Variants in SLC2A3 observed in about 807,000 individuals in gnomAD.
SLC2A3 encodes solute carrier family 2, facilitated glucose transporter member 3.
In SLC2A3, 21 loss-of-function variants were observed where a neutral mutation model predicts 46.4. The observed-to-expected ratio is 0.45, with a 90% confidence interval of 0.32 to 0.65. The LOEUF (loss-of-function observed/expected upper bound fraction) is 0.65, where lower values mean the gene tolerates loss of function less well. SLC2A3 is among the 30% of genes least tolerant of loss of function. The pLI is 0.04. For synonymous variants in SLC2A3, 213 were observed against 239.4 expected, an observed-to-expected ratio of 0.89 and a Z score of 1.02; for missense variants, 499 against 623.3, an observed-to-expected ratio of 0.80 and a Z score of 2.12.
intron 6 of SLC2A3, 197 bp downstream of exon 6, chr12:7,929,485 GAC>G (rs779483003): frequency 1.1e-5 from 7 of 651,656 alleles, no homozygotes; most frequent in Non-Finnish European, 1.7e-5. Context: ...AAATTTCAGA[GAC>G]ACAGTCTCAC....
rs1476536468 is a variant in SLC2A3, at chr12:7,933,913, G to A, written c.16-11C>T. The stretch of plus-strand genomic sequence containing the variant: ...CAGAGCTGGGGTGACCTGGAGGGAG[G>A]GAAGACAGAGGAGAGAATAGTCCTT... On this transcript the variant is annotated splice_polypyrimidine_tract_variant and intron_variant, in intron 1 of 9. Coordinates refer to ENST00000075120, the MANE Select transcript of SLC2A3 (RefSeq NM_006931.3). The A allele has an allele frequency of 1.9e-6, 3 of 1,610,240 alleles. No individual in the cohort carries two copies. The highest frequency in any genetic ancestry group is 1.7e-5 in the Admixed American group (1 of 59,906).
rs1329307974 is a variant in SLC2A3 at position 7,921,162 on chromosome 12, A to G, written c.*251T>C. The G allele has an allele frequency of 1.2e-5, 10 of 802,466 alleles. No homozygotes were observed. Among genetic ancestry groups the G allele is most frequent in the Non-Finnish European group, 2.0e-5 (10 of 508,322 alleles). 49.7% of individuals were successfully genotyped at this position (802,466 alleles called of 1,614,324 possible). On this transcript the variant is annotated 3_prime_UTR_variant, in exon 10 of 10. Coordinates refer to ENST00000075120, the MANE Select transcript of SLC2A3 (RefSeq NM_006931.3). ...AAAGTTGTCATGTGCCAAGCGGCCA[A>G]TCCCTCCTGAAATGAAGGTAGGTTC...
In SLC2A3 at chr12:7,930,007, CAG is replaced by C. The variant is rs762850205; in HGVS notation, c.674-138_674-137del. The C allele has an allele frequency of 1.2e-4, 168 of 1,458,382 alleles. 4 individuals are homozygous for C. The highest frequency in any genetic ancestry group is 1.5e-4 in the Non-Finnish European group (161 of 1,098,720). The allele number at this position is 1,458,382 out of a possible 1,614,324, so 90.3% of individuals were successfully genotyped here. A position where few individuals can be genotyped will look rare whatever the true frequency, so the allele number is the denominator to read the frequency against. ...TCCATTCCTTTTTTTTTTTTTGAGACAGAGTTTCACTTTTGTTGCCCAGGCTG... is the reference window on the plus strand; with the variant it reads ...TCCATTCCTTTTTTTTTTTTTGAGACAGTTTCACTTTTGTTGCCCAGGCTG... On this transcript the variant is annotated intron_variant, in intron 5 of 9. Coordinates refer to ENST00000075120, the MANE Select transcript of SLC2A3 (RefSeq NM_006931.3).
rs1434207772 is a variant in SLC2A3, at chr12:7,931,423, C to T, written c.332G>A (p.Cys111Tyr). The stretch of plus-strand genomic sequence containing the variant: ...CATTTCAACCGACTTAGCTACTTTA[C>T]ACAGTCCCATAAAGCAGCCACCAGT... The part of the protein sequence containing the change: ...AVTGGCFMGL[C>Y]KVAKSVEMLI... Residue 111 changes from cysteine (C) to tyrosine (Y), a missense_variant, in exon 4 of 10, where the codon TGT becomes TAT. By Grantham distance (194) the Cys-to-Tyr change is radical. Around this residue, in one of 5 missense-constraint regions of SLC2A3, gnomAD observed 248 missense variants for 284.0 expected, o/e 0.87. Coordinates refer to ENST00000075120, the MANE Select transcript of SLC2A3 (RefSeq NM_006931.3). The T allele has an allele frequency of 6.2e-7, 1 of 1,614,184 alleles. No individual in the cohort carries two copies. The highest frequency in any genetic ancestry group is 1.1e-5 in the South Asian group (1 of 91,082).
At chr12:7,930,789 ATGG>A in intron 4 of SLC2A3, 147 bp from the exon 5 acceptor site, 1 of 567,122 alleles carries the variant, frequency 1.8e-6, no homozygotes, top group African/African-American at 2.2e-5. Flanking sequence ...TCTACTCAGC[ATGG>A]TTTTTTTTTT....
intron 2 of SLC2A3, chr12:7,933,454 G>C: frequency 2.1e-6 from 1 of 484,068 alleles, no homozygotes; most frequent in South Asian, 2.6e-5. Context: ...TGAGGTGAAA[G>C]AGTGGGAGGA....
At chr12:7,922,726 G>A (rs1331186414) in intron 9 of SLC2A3, 95 bp downstream of exon 9, 3 of 1,540,436 alleles carry the variant, frequency 1.9e-6, no homozygotes, top group East Asian at 2.3e-5. Flanking sequence ...TTACAGGCAT[G>A]AGCCACCATG....
chr12:7,928,546 G>C (rs1225394745), intron 6 of SLC2A3, among the ~76,000 whole-genome samples: 1 of 152,032 alleles, frequency 6.6e-6, no homozygotes, highest in Non-Finnish European at 1.5e-5. Context: ...CTAGGGAGTT[G>C]CCTCAGGTGC....
chr12:7,932,969 C>G lies in SLC2A3; in HGVS notation c.269+18G>C, dbSNP rs1273850313. On this transcript the variant is annotated intron_variant, in intron 3 of 9. Coordinates refer to ENST00000075120, the MANE Select transcript of SLC2A3 (RefSeq NM_006931.3). ...TGGCTGGTAGAGCCCACTTCCTTGCCCAGTTTCTAGTCAATACCTGCCAAA... is the reference window on the plus strand; with the variant it reads ...TGGCTGGTAGAGCCCACTTCCTTGCGCAGTTTCTAGTCAATACCTGCCAAA... 1.9e-6 allele frequency: 3 copies of G among 1,613,476 alleles called. No individual in the cohort carries two copies. The highest frequency in any genetic ancestry group is 1.7e-6 in the Non-Finnish European group (2 of 1,179,774).
At position 7,929,174 on chromosome 12, in the gene SLC2A3, T is replaced by C. The variant is rs78742754; in HGVS notation, c.861+510A>G. 3.4e-3 allele frequency among the ~76,000 whole-genome samples: 512 copies of C among 152,250 alleles called. 4 individuals are homozygous for C. Among genetic ancestry groups the C allele is most frequent in the African/African-American group, 0.012 (493 of 41,556 alleles). On this transcript the variant is annotated intron_variant, in intron 6 of 9. Coordinates refer to ENST00000075120, the MANE Select transcript of SLC2A3 (RefSeq NM_006931.3). ...AGACTATCTGAAAACCCTTAGGGGA[T>C]GAATCAGTATTTAAAAAGGTGGGAC...
chr12:7,930,655 C>G lies in SLC2A3; in HGVS notation c.511-13G>C. 5 of 1,610,950 alleles carry G rather than the reference C, an allele frequency of 3.1e-6. No homozygotes were observed. Among genetic ancestry groups the G allele is most frequent in the African/African-American group, 1.3e-5 (1 of 74,816 alleles). Reference sequence around the variant, plus strand: ...CCAGACCAAAGATCTAGAAACCACACAAAGATAATGCTATAAACCCCATAC... The same window carrying G: ...CCAGACCAAAGATCTAGAAACCACAGAAAGATAATGCTATAAACCCCATAC... On this transcript the variant is annotated splice_polypyrimidine_tract_variant and intron_variant, in intron 4 of 9. Transcript: ENST00000075120.
At position 7,931,236 on chromosome 12, in the gene SLC2A3, C is replaced by G. The variant is rs374130603; in HGVS notation, c.510+9G>C. 6.2e-7 allele frequency: 1 copy of G among 1,613,978 alleles called. No homozygotes were observed. Among genetic ancestry groups the G allele is most frequent in the East Asian group, 2.2e-5 (1 of 44,898 alleles). Reference sequence around the variant, plus strand: ...TAACACTCATTAAGTATGAGAAGTTCTAGAGTACCTGGGCCACCAGAATTC... The same window carrying G: ...TAACACTCATTAAGTATGAGAAGTTGTAGAGTACCTGGGCCACCAGAATTC... On this transcript the variant is annotated intron_variant, in intron 4 of 9. Transcript: ENST00000075120.
rs1437913772 is a variant in SLC2A3, at chr12:7,933,917, GAC to G, written c.16-17_16-16del. The G allele has an allele frequency of 6.2e-7, 1 of 1,609,156 alleles. No homozygotes were observed. Among genetic ancestry groups the G allele is most frequent in the African/African-American group, 1.3e-5 (1 of 74,812 alleles). On this transcript the variant is annotated splice_polypyrimidine_tract_variant and intron_variant, in intron 1 of 9. Transcript: ENST00000075120. ...GCTGGGGTGACCTGGAGGGAGGGAAGACAGAGGAGAGAATAGTCCTTAAAACT... is the reference window on the plus strand; with the variant it reads ...GCTGGGGTGACCTGGAGGGAGGGAAGAGAGGAGAGAATAGTCCTTAAAACT...
chr12:7,923,740 A>T (rs1946064434), intron 8 of SLC2A3, among the ~76,000 whole-genome samples: 1 of 151,184 alleles, frequency 6.6e-6, no homozygotes, highest in African/African-American at 2.4e-5. Flanking sequence ...GATGACAGGC[A>T]TGAACCACTG....
At chr12:7,923,180 AT>A (rs1419297490) in intron 8 of SLC2A3, 156 bp from the exon 9 acceptor site, 3 of 777,620 alleles carry the variant, frequency 3.9e-6, no homozygotes, top group East Asian at 5.4e-5. Context: ...TTTTATTTTT[AT>A]TTTTTGAGAC....
chr12:7,933,415 T>G, intron 2 of SLC2A3: 1 of 537,972 alleles, frequency 1.9e-6, no homozygotes, highest in Non-Finnish European at 3.3e-6. Flanking sequence ...AACTAACCCC[T>G]AAGGGATAAT....
chr12:7,935,960 T>C (rs1946208697), intron 1 of SLC2A3, 60 bp downstream of exon 1: 1 of 1,336,018 alleles, frequency 7.5e-7, no homozygotes, highest in Non-Finnish European at 1.1e-6. Context: ...ACCATTAATA[T>C]TTGCCTTTCT....
chr12:7,926,074 A>T (rs1305839099), intron 6 of SLC2A3, 126 bp from the exon 7 acceptor site: 1 of 732,894 alleles, frequency 1.4e-6, no homozygotes, highest in Non-Finnish European at 2.4e-6. Context: ...TTCAATACTA[A>T]TATCCCTTCT....
chr12:7,929,520 A>G, intron 6 of SLC2A3, 164 bp downstream of exon 6: 1 of 951,972 alleles, frequency 1.1e-6, no homozygotes, highest in Non-Finnish European at 1.5e-6. Flanking sequence ...GCTGGAATGC[A>G]GTGGCATAAT....
Sources: allele counts gnomAD v4.1 joint callset (sites outside exome capture counted in the v4.1 genomes callset), GRCh38; gene constraint gnomAD v4.1.1; regional missense constraint gnomAD v4.1.1; transcripts MANE v1.5; gene names NCBI Gene and HGNC (gene_info 2026-07-23, HGNC 2026-07-21).